TMEM196: variants seen among roughly 807,000 people sequenced by gnomAD.
TMEM196 encodes transmembrane protein 196.
Under a neutral mutation model 20.0 loss-of-function variants are expected in TMEM196, and 17 were observed. The ratio of observed to expected loss-of-function variants is 0.85; its 90% CI spans 0.58 to 1.27. The LOEUF (loss-of-function observed/expected upper bound fraction) is 1.27, where lower values mean the gene tolerates loss of function less well. Among genes scored for constraint, TMEM196 ranks in the 50% most tolerant of loss-of-function variants. The pLI is 0.00. For missense variants in TMEM196, 267 were observed against 223.0 expected (o/e 1.20, Z -1.26); for synonymous variants, 113 against 88.9 (o/e 1.27, Z -1.52).
At chr7:19,735,688 A>G (rs1485978272) in intron 1 of TMEM196, among the ~76,000 whole-genome samples, 1 of 152,164 alleles carries the variant, frequency 6.6e-6, no homozygotes, top group Non-Finnish European at 1.5e-5. Flanking sequence ...CAGGGAGAGC[A>G]GGCAAGGTTG....
At chr7:19,749,286 A>G (rs148548865) in intron 1 of TMEM196, among the ~76,000 whole-genome samples, 125 of 152,316 alleles carry the variant, frequency 8.2e-4, no homozygotes, top group African/African-American at 2.8e-3. Flanking sequence ...ATACGGAGAG[A>G]GCCAATCAAA....
chr7:19,732,580 A>C (rs899625489), intron 1 of TMEM196, among the ~76,000 whole-genome samples: 4 of 133,844 alleles, frequency 3.0e-5, no homozygotes, highest in Admixed American at 1.5e-4. Flanking sequence ...CTCAAAAAAA[A>C]AAAACAAAAA....
intron 1 of TMEM196, among the ~76,000 whole-genome samples, chr7:19,738,563 C>A (rs1784483897): frequency 1.3e-5 from 2 of 151,986 alleles, no homozygotes; most frequent in African/African-American, 4.8e-5. Flanking sequence ...GGAGAAATGG[C>A]TGAATTTTGG....
chr7:19,771,039 T>A (rs1384499190), intron 1 of TMEM196, among the ~76,000 whole-genome samples: 1 of 152,162 alleles, frequency 6.6e-6, no homozygotes, highest in Non-Finnish European at 1.5e-5. Flanking sequence ...TCCCTAAATG[T>A]TGACATTACA....
intron 4 of TMEM196, among the ~76,000 whole-genome samples, chr7:19,723,825 A>G (rs1374403936): frequency 1.3e-5 from 2 of 152,224 alleles, no homozygotes; most frequent in African/African-American, 4.8e-5. Context: ...ATAATTTTAC[A>G]AGAAGAATCT....
At chr7:19,756,591 G>T (rs1175976462) in intron 1 of TMEM196, among the ~76,000 whole-genome samples, 3 of 151,836 alleles carry the variant, frequency 2.0e-5, no homozygotes, top group African/African-American at 7.3e-5. Context: ...TTATCATTTA[G>T]CTCTCTTATA....
At chr7:19,764,460 G>A (rs1462515352) in intron 1 of TMEM196, among the ~76,000 whole-genome samples, 1 of 152,122 alleles carries the variant, frequency 6.6e-6, no homozygotes, top group African/African-American at 2.4e-5. Context: ...GATATCCTCA[G>A]TGACCCACAA....
At chr7:19,724,146 C>G (rs936954846) in intron 4 of TMEM196, 134 bp downstream of exon 4, 6 of 803,282 alleles carry the variant, frequency 7.5e-6, no homozygotes, top group African/African-American at 5.2e-5. Flanking sequence ...TAAGCGCTTA[C>G]GAAAGCGATA....
intron 1 of TMEM196, among the ~76,000 whole-genome samples, chr7:19,756,303 T>G (rs1001290111): frequency 6.6e-6 from 1 of 151,980 alleles, no homozygotes; most frequent in Non-Finnish European, 1.5e-5. Flanking sequence ...CATTCTTTTT[T>G]CCATACTCAG....
intron 1 of TMEM196, among the ~76,000 whole-genome samples, chr7:19,770,266 C>T (rs1406396495): frequency 6.6e-6 from 1 of 152,126 alleles, no homozygotes; most frequent in Non-Finnish European, 1.5e-5. Flanking sequence ...TTTGTTTCCT[C>T]CACTATGGAG....
intron 1 of TMEM196, among the ~76,000 whole-genome samples, chr7:19,735,951 G>A (rs1023387947): frequency 3.3e-5 from 5 of 152,002 alleles, no homozygotes; most frequent in South Asian, 2.1e-4. Context: ...ATTTCATAAC[G>A]TTAGTTCGTT....
chr7:19,726,891 T>G (rs1470618343), intron 2 of TMEM196, among the ~76,000 whole-genome samples: 1 of 152,164 alleles, frequency 6.6e-6, no homozygotes, highest in African/African-American at 2.4e-5. Flanking sequence ...TCACCTCTCT[T>G]GTCCTTCAAT....
At chr7:19,770,106 C>G (rs1261512927) in intron 1 of TMEM196, among the ~76,000 whole-genome samples, 1 of 152,132 alleles carries the variant, frequency 6.6e-6, no homozygotes, top group Non-Finnish European at 1.5e-5. Context: ...ATTCTAAGTC[C>G]TGATAAACTT....
At chr7:19,729,473 C>G in intron 1 of TMEM196, 35 bp from the exon 2 acceptor site, 6 of 1,541,776 alleles carry the variant, frequency 3.9e-6, no homozygotes, top group Non-Finnish European at 5.3e-6. Flanking sequence ...ACTCCTTATC[C>G]AAAGACACGA....
At chr7:19,724,095 T>C (rs1783904090) in intron 4 of TMEM196, among the ~76,000 whole-genome samples, 185 bp downstream of exon 4, 1 of 152,168 alleles carries the variant, frequency 6.6e-6, no homozygotes, top group African/African-American at 2.4e-5. Flanking sequence ...ACTTTCAAGC[T>C]GCAAGACTCG....
chr7:19,771,909 C>G (rs1460234537), intron 1 of TMEM196, among the ~76,000 whole-genome samples: 1 of 152,200 alleles, frequency 6.6e-6, no homozygotes, highest in African/African-American at 2.4e-5. Flanking sequence ...TTCTAACTTA[C>G]TGTCTAGAAC....
rs531506507 is a variant in TMEM196 at position 19,773,342 on chromosome 7, G to C, written c.-646C>G. On this transcript the variant is annotated 5_prime_UTR_variant, in exon 1 of 5. In the 5' UTR this introduces an upstream ATG that the reference lacks. Transcript: ENST00000405844. ...GTCGCCAGAAAAAGCGACCTTGTCT[G>C]ATGGCCTCTTTCCGTCTGGGTTTCT... The C allele has an allele frequency of 6.5e-6, 1 of 154,376 alleles. No individual in the cohort carries two copies. The highest frequency in any genetic ancestry group is 1.9e-4 in the East Asian group (1 of 5,190). The allele number at this position is 154,376 out of a possible 1,614,324, so 9.6% of individuals were successfully genotyped here.
At chr7:19,742,073 A>G (rs538718893) in intron 1 of TMEM196, among the ~76,000 whole-genome samples, 2 of 152,284 alleles carry the variant, frequency 1.3e-5, no homozygotes, top group African/African-American at 4.8e-5. Context: ...AGAATCTTGC[A>G]TCTGGACGAA....
intron 3 of TMEM196, 86 bp from the exon 4 acceptor site, chr7:19,724,439 AAG>A (rs1783920142): frequency 3.3e-6 from 4 of 1,205,810 alleles, no homozygotes; most frequent in Middle Eastern, 5.1e-4. Flanking sequence ...TAAAGCACAA[AAG>A]AGCCACTATT....
Sources: allele counts gnomAD v4.1 joint callset (sites outside exome capture counted in the v4.1 genomes callset), GRCh38; gene constraint gnomAD v4.1.1; transcripts MANE v1.5; gene names NCBI Gene and HGNC (gene_info 2026-07-23, HGNC 2026-07-21).